Variants in TANGO6 observed in about 807,000 individuals in gnomAD.
The protein encoded by TANGO6 is transport and golgi organization 6 homolog, also known as transport and Golgi organization protein 6 homolog.
Under a neutral mutation model 114.2 loss-of-function variants are expected in TANGO6, and 90 were observed. The observed-to-expected ratio is 0.79, with a 90% CI of 0.66 to 0.94. TANGO6 has a LOEUF of 0.94. Among genes scored for constraint, TANGO6 ranks in the 40% least tolerant of loss-of-function variants. The pLI is 0.00. For synonymous variants in TANGO6, 477 were observed against 509.8 expected (o/e 0.94, Z 0.87); for missense variants, 1,274 against 1,315.3 (o/e 0.97, Z 0.49).
intron 14 of TANGO6, among the ~76,000 whole-genome samples, chr16:68,956,856 AG>A (rs1963534677): frequency 6.6e-6 from 1 of 152,150 alleles, no homozygotes; most frequent in South Asian, 2.1e-4. Flanking sequence ...CTGTCTCAAA[AG>A]AAAAAAAAGG....
In TANGO6 at chr16:69,028,336, G is replaced by T. The variant is rs372142838; in HGVS notation, c.2994+5357G>T. On this transcript the variant is annotated intron_variant, in intron 16 of 17. Coordinates refer to ENST00000261778, the MANE Select transcript of TANGO6 (RefSeq NM_024562.2). ...ACACTATACAATTCACCCATTTAAA[G>T]TGCACAATTCAGGCCAGGTGCAGAG... is the stretch of plus-strand genomic sequence containing the variant. 3.9e-4 allele frequency among the ~76,000 whole-genome samples: 60 copies of T among 152,102 alleles called. 1 individual carries two copies. The highest frequency in any genetic ancestry group is 1.3e-3 in the African/African-American group (56 of 41,514).
chr16:69,001,861 A>C (rs973211144), intron 15 of TANGO6, among the ~76,000 whole-genome samples: 2 of 152,200 alleles, frequency 1.3e-5, no homozygotes, highest in Non-Finnish European at 2.9e-5. Context: ...ATGAGAAGAA[A>C]GAAGTATTGG....
At chr16:69,021,392 G>A (rs1172243066) in intron 15 of TANGO6, among the ~76,000 whole-genome samples, 2 of 152,108 alleles carry the variant, frequency 1.3e-5, no homozygotes, top group African/African-American at 4.8e-5. Context: ...TCTCAATGAA[G>A]CCTACCTTTA....
At chr16:68,919,258 G>A in intron 12 of TANGO6, 39 bp downstream of exon 12, 2 of 1,601,288 alleles carry the variant, frequency 1.2e-6, no homozygotes, top group Non-Finnish European at 1.7e-6. Context: ...ATGGAGGGAA[G>A]GGAGAAGCGA....
At chr16:68,952,424 A>C (rs182072662) in intron 14 of TANGO6, among the ~76,000 whole-genome samples, 5 of 152,296 alleles carry the variant, frequency 3.3e-5, no homozygotes, top group Non-Finnish European at 7.4e-5. Flanking sequence ...CAAGCAGCCT[A>C]TGTCACCCTT....
rs59539664 is a variant in TANGO6 at position 68,870,802 on chromosome 16, C to CTT, written c.994+3594_994+3595dup. 7.1e-3 allele frequency among the ~76,000 whole-genome samples: 1,018 copies of CTT among 144,250 alleles called. 4 individuals are homozygous for CTT. Among genetic ancestry groups the CTT allele is most frequent in the Middle Eastern group, 0.014 (4 of 278 alleles). The allele number at this position is 144,250 out of a possible 152,430, so 94.6% of individuals were successfully genotyped here. A position where few individuals can be genotyped will look rare whatever the true frequency, so the allele number is the denominator to read the frequency against. ...GTGTAGGTCTACTGGCAATGAATTT[C>CTT]TTTTTTTTTTTTTGAGACGGAATTT... On this transcript the variant is annotated intron_variant, in intron 4 of 17. Transcript: ENST00000261778.
At chr16:69,011,811 T>G (rs913822160) in intron 15 of TANGO6, among the ~76,000 whole-genome samples, 7 of 152,224 alleles carry the variant, frequency 4.6e-5, no homozygotes, top group Non-Finnish European at 7.3e-5. Context: ...GAAGATGGGA[T>G]CTGATATGCA....
chr16:68,990,401 T>C (rs1485855267), intron 15 of TANGO6, among the ~76,000 whole-genome samples: 1 of 152,102 alleles, frequency 6.6e-6, no homozygotes, highest in African/African-American at 2.4e-5. Context: ...GGTTTCCCTT[T>C]ATCAGATCTC....
Position 68,860,021 on chromosome 16 carries a change from G to T in TANGO6, c.232G>T (p.Ala78Ser), listed in dbSNP as rs1272611571. 2 of 1,613,990 alleles carry T rather than the reference G, an allele frequency of 1.2e-6. No homozygotes were observed. Among genetic ancestry groups the T allele is most frequent in the Non-Finnish European group, 1.7e-6 (2 of 1,179,878 alleles). The change falls in exon 2 of 18, where the codon GCT becomes TCT. Residue 78 changes from alanine to serine, a missense_variant. By Grantham distance (99) the Ala-to-Ser change is moderately conservative. This residue lies in a region of TANGO6 where 114 missense variants were observed against 104.6 expected (regional missense o/e 1.09). Transcript: ENST00000261778. The part of the protein sequence containing the change: ...KNLKLLRDEI[A>S]DKAEWPQNSV... ...TCTGAAACTCCTAAGAGATGAAATT[G>T]CTGATAAGGCAGAATGGCCACAAAA... is the stretch of plus-strand genomic sequence containing the variant.
chr16:68,920,369 A>G (rs1050855068), intron 12 of TANGO6, among the ~76,000 whole-genome samples: 3 of 152,240 alleles, frequency 2.0e-5, no homozygotes, highest in African/African-American at 7.2e-5. Context: ...GCTTAGAAGC[A>G]GCAAAGAGCT....
intron 14 of TANGO6, among the ~76,000 whole-genome samples, chr16:68,965,178 G>A (rs1963633335): frequency 6.6e-6 from 1 of 151,118 alleles, no homozygotes; most frequent in African/African-American, 2.4e-5. Context: ...TTTATTTTTT[G>A]AGATGGAGTC....
chr16:68,878,145 A>T lies in TANGO6; in HGVS notation c.1159A>T (p.Lys387Ter). 1 of 1,610,424 alleles carries T rather than the reference A, an allele frequency of 6.2e-7. No homozygotes were observed. The highest frequency in any genetic ancestry group is 8.5e-7 in the Non-Finnish European group (1 of 1,178,794). Reference protein sequence around the residue: ...QVLDLFHFQDKLTARQFQRVA... With the variant: ...QVLDLFHFQD ...TCTGGATTTATTTCACTTTCAAGAT[A>T]AATTGACAGCACGACAATTTCAGAG... The change falls in exon 6 of 18, where the codon AAA becomes TAA. Residue 387 changes from lysine (K) to a stop codon, truncating the protein, a stop_gained. Transcript: ENST00000261778. LOFTEE classifies it high-confidence loss of function.
At chr16:68,868,572 A>G (rs1232333600) in intron 4 of TANGO6, among the ~76,000 whole-genome samples, 2 of 137,082 alleles carry the variant, frequency 1.5e-5, no homozygotes, top group African/African-American at 5.6e-5. Context: ...ATCTTGGCTC[A>G]TTGCAACCTC....
chr16:68,997,450 G>A (rs993250812), intron 15 of TANGO6, among the ~76,000 whole-genome samples: 1 of 152,188 alleles, frequency 6.6e-6, no homozygotes, highest in South Asian at 2.1e-4. Flanking sequence ...AGACCACATA[G>A]GGTAATGTCT....
At position 69,009,072 on chromosome 16, in the gene TANGO6, C is replaced by CTTTT. The variant is rs869092742; in HGVS notation, c.2843-13733_2843-13730dup. ...TGAACATAAACAGGAGAGTTTATTT[C>CTTTT]TTTTTTTTTTTTTTTTTTTTTTTTT... On this transcript the variant is annotated intron_variant, in intron 15 of 17. Transcript: ENST00000261778. Among the ~76,000 whole-genome samples, 5 of 77,678 alleles carry CTTTT rather than the reference C, an allele frequency of 6.4e-5. 1 individual carries two copies. Among genetic ancestry groups the CTTTT allele is most frequent in the Admixed American group, 2.7e-4 (2 of 7,438 alleles). 51.0% of individuals were successfully genotyped at this position (77,678 alleles called of 152,430 possible). A position where few individuals can be genotyped will look rare whatever the true frequency, so the allele number is the denominator to read the frequency against.
At chr16:68,863,136 T>A in intron 3 of TANGO6, 75 bp downstream of exon 3, 1 of 875,540 alleles carries the variant, frequency 1.1e-6, no homozygotes, top group Non-Finnish European at 1.7e-6. Flanking sequence ...TCTGGAAAAT[T>A]AAATAACTTT....
At chr16:68,958,944 T>TA (rs574006470) in intron 14 of TANGO6, among the ~76,000 whole-genome samples, 7 of 151,810 alleles carry the variant, frequency 4.6e-5, no homozygotes, top group Non-Finnish European at 8.8e-5. Context: ...TCTCTAAATT[T>TA]AAAAAAACAA....
intron 1 of TANGO6, among the ~76,000 whole-genome samples, chr16:68,845,218 T>C (rs1319712184): frequency 6.6e-6 from 1 of 152,192 alleles, no homozygotes; most frequent in Non-Finnish European, 1.5e-5. Flanking sequence ...TCTGCCTGCC[T>C]TGGCCTCCCA....
At chr16:68,962,809 C>T (rs1446648705) in intron 14 of TANGO6, among the ~76,000 whole-genome samples, 5 of 151,474 alleles carry the variant, frequency 3.3e-5, no homozygotes, top group South Asian at 2.1e-4. Context: ...CGGCCGGGCG[C>T]GGTGGCTCAT....
Sources: allele counts gnomAD v4.1 joint callset (sites outside exome capture counted in the v4.1 genomes callset), GRCh38; gene constraint gnomAD v4.1.1; regional missense constraint gnomAD v4.1.1; transcripts MANE v1.5; gene names NCBI Gene and HGNC (gene_info 2026-07-23, HGNC 2026-07-21).